Variants in TTN observed in about 807,000 individuals in gnomAD.
The protein encoded by TTN is connectin.
Under a neutral mutation model 3,223.0 loss-of-function variants are expected in TTN, and 1,525 were observed. That is an observed-to-expected ratio of 0.47 (90% CI 0.45 to 0.49). The LOEUF (loss-of-function observed/expected upper bound fraction) is 0.49, where lower values mean the gene tolerates loss of function less well. TTN is among the 20% of genes least tolerant of loss of function. The probability of loss-of-function intolerance (pLI) is 0.00; values close to 1 mark genes in which losing one functional copy is unlikely to be tolerated. For missense variants in TTN, 40,786 were observed against 43,424.0 expected (o/e 0.94, Z 5.40); for synonymous variants, 14,094 against 15,161.0 (o/e 0.93, Z 5.17).
In TTN at chr2:178,759,023, C is replaced by G; in HGVS notation, c.10264G>C (p.Val3422Leu). 2.5e-6 allele frequency: 4 copies of G among 1,613,972 alleles called. No individual in the cohort carries two copies. The highest frequency in any genetic ancestry group is 3.4e-6 in the Non-Finnish European group (4 of 1,179,926). The change falls in exon 44 of 363, where the codon GTA (valine) becomes CTA (leucine). Residue 3422 changes from valine (V) to leucine (L), a missense_variant. By Grantham distance (32) the Val-to-Leu change is conservative (BLOSUM62 1). Coordinates refer to ENST00000589042, the MANE Select transcript of TTN (RefSeq NM_001267550.2). ...TTGGCTGTGCTTGATACTTGGCCTA[C>G]AGCATTACTAGCAACAAACGTGTAA... is the stretch of plus-strand genomic sequence containing the variant. ...GTYTFVASNAVGQVSSTANLS... is the reference protein window; with the variant it reads ...GTYTFVASNALGQVSSTANLS...
intron 135 of TTN, 43 bp from the exon 136 acceptor site, chr2:178,681,781 A>C: frequency 1.4e-6 from 2 of 1,458,990 alleles, no homozygotes; most frequent in Non-Finnish European, 1.9e-6. Flanking sequence ...GACTTAGAAT[A>C]TAAGTTTAAA....
intron 71 of TTN, 155 bp from the exon 72 acceptor site, chr2:178,724,693 A>G: frequency 1.6e-6 from 1 of 633,104 alleles, no homozygotes; most frequent in Non-Finnish European, 2.3e-6. Flanking sequence ...ACATGCAGTC[A>G]TAGAATTATA....
At position 178,534,319 on chromosome 2, in the gene TTN, T is replaced by C; in HGVS notation, c.102296A>G (p.Lys34099Arg). 2 of 1,613,534 alleles carry C rather than the reference T, an allele frequency of 1.2e-6. No individual in the cohort carries two copies. Among genetic ancestry groups the C allele is most frequent in the South Asian group, 2.2e-5 (2 of 91,078 alleles). Reference protein sequence around the residue: ...KHRRYYHTLIKKDLNMVVSAA... With the variant: ...KHRRYYHTLIRKDLNMVVSAA... ...TGACACAACCATGTTGAGGTCTTTC[T>C]TGATCAGGGTGTGGTAATAACGCCG... The change falls in exon 358 of 363, where the codon AAG becomes AGG. Residue 34099 changes from lysine to arginine, a missense_variant. Transcript: ENST00000589042.
Position 178,729,857 on chromosome 2 carries a change from A to G in TTN, c.18396T>C (p.Thr6132=), listed in dbSNP as rs534008239. 5.6e-6 allele frequency: 9 copies of G among 1,613,632 alleles called. No individual in the cohort carries two copies. The African/African-American group carries it at 1.1e-4, about 19-fold the overall frequency. The change falls in exon 63 of 363, where the codon ACT becomes ACC. Residue 6132 remains threonine (T), a synonymous_variant. Coordinates refer to ENST00000589042, the MANE Select transcript of TTN (RefSeq NM_001267550.2). The part of the protein sequence containing the change: ...STTFECQITG[T]PKIRVSWYLD... The stretch of plus-strand genomic sequence containing the variant: ...GATACCAAGACACTCGGATTTTAGG[A>G]GTGCCTGTTATTTGGCATTCAAATG...
In TTN at chr2:178,617,127, A is replaced by C; in HGVS notation, c.47868T>G (p.Asp15956Glu). ...SEILGPLTAD[D>E]AFVEPTMDLS... ...AATAAAATATCTATTTACCAAATGC[A>C]TCGTCAGCGGTGAGAGGACCAAGAA... Residue 15956 changes from aspartate (D) to glutamate (E), a missense_variant, in exon 255 of 363, where the codon GAT becomes GAG. Transcript: ENST00000589042. 1 of 1,610,304 alleles carries C rather than the reference A, an allele frequency of 6.2e-7. No individual in the cohort carries two copies. The highest frequency in any genetic ancestry group is 1.7e-5 in the Admixed American group (1 of 59,630).
At position 178,739,946 on chromosome 2, in the gene TTN, A is replaced by G. The variant is rs370604524; in HGVS notation, c.13287T>C (p.Ala4429=). ...LRNIEKVEVE[A]VNITQEPRHI... Reference sequence around the variant, plus strand: ...GTCTGGGCTCTTGGGTGATGTTTACAGCCTCGACCTCCACCTTTTCAATAT... The same window carrying G: ...GTCTGGGCTCTTGGGTGATGTTTACGGCCTCGACCTCCACCTTTTCAATAT... The change falls in exon 48 of 363, where the codon GCT becomes GCC. Residue 4429 remains alanine, a synonymous_variant. Coordinates refer to ENST00000589042, the MANE Select transcript of TTN (RefSeq NM_001267550.2). 1.7e-4 allele frequency: 275 copies of G among 1,613,816 alleles called. 1 individual carries two copies. The African/African-American group carries it at 3.3e-3, about 19-fold the overall frequency.
Position 178,575,516 on chromosome 2 carries a change from A to C in TTN, c.70616T>G (p.Leu23539Arg). 2 of 1,613,676 alleles carry C rather than the reference A, an allele frequency of 1.2e-6. No individual in the cohort carries two copies. Among genetic ancestry groups the C allele is most frequent in the South Asian group, 2.2e-5 (2 of 91,076 alleles). Residue 23539 changes from leucine to arginine, a missense_variant, in exon 326 of 363, where the codon CTT becomes CGT. Leu to Arg is a moderately radical substitution (Grantham distance 102). Transcript: ENST00000589042. This position sits in a 1 kb window ranked among gnomAD's most constrained non-coding sequence, Gnocchi z 4.0. Reference sequence around the variant, plus strand: ...GCTCTTAGTTATGTCCATGATGTTAAGGCTGTCTGGTGGAGATGGTGCTTC... The same window carrying C: ...GCTCTTAGTTATGTCCATGATGTTACGGCTGTCTGGTGGAGATGGTGCTTC... The part of the protein sequence containing the change: ...ASEAPSPPDS[L>R]NIMDITKSTV...
rs1366817302 is a variant in TTN, at chr2:178,560,353, A to G, written c.85779T>C (p.Asn28593=). The G allele has an allele frequency of 1.2e-6, 2 of 1,613,442 alleles. No homozygotes were observed. Among genetic ancestry groups the G allele is most frequent in the Non-Finnish European group, 1.7e-6 (2 of 1,179,736 alleles). ...SGYIIERREK[N]SLRWVRVNKK... Reference sequence around the variant, plus strand: ...TGTTTACACGCACCCATCTTAGGCTATTTTTCTCTCGCCTTTCAATTATAT... The same window carrying G: ...TGTTTACACGCACCCATCTTAGGCTGTTTTTCTCTCGCCTTTCAATTATAT... Residue 28593 remains asparagine, a synonymous_variant, in exon 326 of 363, where the codon AAT becomes AAC. Coordinates refer to ENST00000589042, the MANE Select transcript of TTN (RefSeq NM_001267550.2).
chr2:178,640,095 G>A lies in TTN; in HGVS notation c.40739C>T (p.Pro13580Leu), dbSNP rs1467896264. The change falls in exon 222 of 363, where the codon CCA becomes CTA. Residue 13580 changes from proline to leucine, a missense_variant. Transcript: ENST00000589042. ...PEPTKVPEIKPAIPLPAPEPK... is the reference protein window; with the variant it reads ...PEPTKVPEIKLAIPLPAPEPK... ...TTCAGGTGCAGGGAGAGGTATTGCT[G>A]GCTTGATTTCAGGCACTGAAATAAT... 3.1e-6 allele frequency: 5 copies of A among 1,611,772 alleles called. No homozygotes were observed. The highest frequency in any genetic ancestry group is 4.2e-6 in the Non-Finnish European group (5 of 1,178,706).
chr2:178,541,137 TAA>T lies in TTN; in HGVS notation c.97795+143_97795+144del, dbSNP rs1008097374. The T allele has an allele frequency of 4.0e-5, 33 of 828,144 alleles. No individual in the cohort carries two copies. The African/African-American group carries it at 5.1e-4, about 13-fold the overall frequency. 51.3% of individuals were successfully genotyped at this position (828,144 alleles called of 1,614,324 possible). Reference sequence around the variant, plus strand: ...GACACAAGGGAACTTTACGGGGTAATAAAAATATTCCACATTTTGATTGTGGT... The same window carrying T: ...GACACAAGGGAACTTTACGGGGTAATAAATATTCCACATTTTGATTGTGGT... On this transcript the variant is annotated intron_variant, in intron 350 of 362. Transcript: ENST00000589042.
chr2:178,807,385 C>T lies in TTN; in HGVS notation c.-187G>A, dbSNP rs919367678. On this transcript the variant is annotated 5_prime_UTR_variant, in exon 1 of 363. Transcript: ENST00000589042. The stretch of plus-strand genomic sequence containing the variant: ...GTGTAGTTTTGCTTTTCTATGCAAT[C>T]CCTACACCCGAGGCGAGGCTGGGAA... The T allele has an allele frequency of 7.2e-5, 11 of 152,104 alleles. No individual in the cohort carries two copies. The highest frequency in any genetic ancestry group is 2.2e-4 in the African/African-American group (9 of 41,412). 9.4% of individuals were successfully genotyped at this position (152,104 alleles called of 1,614,324 possible).
intron 219 of TTN, among the ~76,000 whole-genome samples, chr2:178,641,792 TAGTC>T (rs1056581408): frequency 2.6e-5 from 4 of 151,862 alleles, no homozygotes; most frequent in Non-Finnish European, 1.5e-5. Context: ...AATATTTTAT[TAGTC>T]AGAAAGAAAT....
rs2091827984 is a variant in TTN at position 178,773,469 on chromosome 2, A to T, written c.7587T>A (p.Ser2529=). Reference sequence around the variant, plus strand: ...AGGTAGAATAATCCTTACTTTCTACAGAGAGATTACAGTTGGTTTCAACTC... The same window carrying T: ...AGGTAGAATAATCCTTACTTTCTACTGAGAGATTACAGTTGGTTTCAACTC... ...VGRVETNCNL[S]VEKIKIIRGL... Residue 2529 remains serine, a synonymous_variant, in exon 32 of 363, where the codon TCT becomes TCA. Coordinates refer to ENST00000589042, the MANE Select transcript of TTN (RefSeq NM_001267550.2). The T allele has an allele frequency of 6.2e-7, 1 of 1,613,948 alleles. No individual in the cohort carries two copies. The highest frequency in any genetic ancestry group is 1.7e-5 in the Admixed American group (1 of 59,990).
chr2:178,572,528 G>C lies in TTN; in HGVS notation c.73604C>G (p.Ser24535Cys). ...AGGTGGGTCCCATGTGAGTGTGACA[G>C]ATGTCTTAGTGACCTCTTTTACCTT... ...DLKVKEVTKT[S>C]VTLTWDPPLL... Residue 24535 changes from serine (S) to cysteine (C), a missense_variant, in exon 326 of 363, where the codon TCT becomes TGT. Physicochemically the swap from Ser to Cys is moderately radical, Grantham distance 112. Transcript: ENST00000589042. 1 of 1,613,452 alleles carries C rather than the reference G, an allele frequency of 6.2e-7. No homozygotes were observed.
chr2:178,730,312 G>GTA lies in TTN; in HGVS notation c.18086_18087dup (p.Gln6030TyrfsTer3), dbSNP rs765107066. The GTA allele has an allele frequency of 6.2e-7, 1 of 1,611,362 alleles. No homozygotes were observed. The highest frequency in any genetic ancestry group is 8.5e-7 in the Non-Finnish European group (1 of 1,178,650). ...GTGCCACCCACAAGAGCCTTTAACT[G>GTA]TACCCTTGTGTTGGGATTGACATCT... On this transcript the variant is annotated frameshift_variant, in exon 62 of 363. Coordinates refer to ENST00000589042, the MANE Select transcript of TTN (RefSeq NM_001267550.2). LOFTEE classifies it high-confidence loss of function.
chr2:178,800,540 G>A lies in TTN; in HGVS notation c.438C>T (p.Ser146=). The A allele has an allele frequency of 6.2e-7, 1 of 1,614,158 alleles. No individual in the cohort carries two copies. The highest frequency in any genetic ancestry group is 8.5e-7 in the Non-Finnish European group (1 of 1,180,014). The change falls in exon 4 of 363, where the codon AGC becomes AGT. Residue 146 remains serine, a synonymous_variant. Transcript: ENST00000589042. Reference sequence around the variant, plus strand: ...CTTGTGAAATTTGGAAATCAAGGGAGCTCTGGATTTCGGCTCCATCCCGGT... The same window carrying A: ...CTTGTGAAATTTGGAAATCAAGGGAACTCTGGATTTCGGCTCCATCCCGGT... ...KFYRDGAEIQ[S]SLDFQISQEG...
Position 178,556,455 on chromosome 2 carries a change from CAAA to C in TTN, c.88306+390_88306+392del, listed in dbSNP as rs1358914365. ...CAAAACAAACAAACAAACAAACAAA[CAAA>C]AAAAAAAAAACCAAAAAATGAAGTC... On this transcript the variant is annotated intron_variant, in intron 330 of 362. Coordinates refer to ENST00000589042, the MANE Select transcript of TTN (RefSeq NM_001267550.2). 5.9e-5 allele frequency: 11 copies of C among 186,138 alleles called. 1 individual carries two copies. Among genetic ancestry groups the C allele is most frequent in the South Asian group, 1.9e-4 (2 of 10,632 alleles). The allele number at this position is 186,138 out of a possible 1,614,324, so 11.5% of individuals were successfully genotyped here.
Position 178,665,715 on chromosome 2 carries a change from G to A in TTN, c.35952C>T (p.Pro11984=), listed in dbSNP as rs2065815789. 7.5e-7 allele frequency: 1 copy of A among 1,335,126 alleles called. No homozygotes were observed. Among genetic ancestry groups the A allele is most frequent in the Non-Finnish European group, 9.5e-7 (1 of 1,048,256 alleles). The allele number at this position is 1,335,126 out of a possible 1,614,324, so 82.7% of individuals were successfully genotyped here. ...MAAPLEIEIP[P]TKAPEAMKEV... ...TGGCAGGATGAACGATACCTTTAGT[G>A]GGAGGTATTTCAATTTCAAGGGGAG... The change falls in exon 164 of 363, where the codon CCC becomes CCT. Residue 11984 remains proline, a synonymous_variant. Transcript: ENST00000589042.
intron 138 of TTN, 60 bp downstream of exon 138, chr2:178,681,019 T>C: frequency 7.5e-7 from 1 of 1,338,140 alleles, no homozygotes; most frequent in East Asian, 2.4e-5. Context: ...GAATCATAGT[T>C]ACATTAATTT....
Sources: gnomAD v4.1 joint callset for allele counts (sites outside exome capture counted in the v4.1 genomes callset) on GRCh38, gnomAD v4.1.1 for gene constraint, Gnocchi (gnomAD v3.1) non-coding constraint, MANE v1.5 for transcripts, NCBI Gene and HGNC (gene_info 2026-07-23, HGNC 2026-07-21) for gene names.